The following RBMS1 variants were observed in gnomAD, a reference collection of about 807,000 sequenced individuals.
RBMS1 encodes RNA-binding motif, single-stranded-interacting protein 1.
RBMS1 carries 17 observed loss-of-function variants against 62.3 expected under a neutral mutation model. The ratio of observed to expected loss-of-function variants is 0.27; its 90% confidence interval spans 0.19 to 0.41. The LOEUF is 0.41. RBMS1 is among the 10% of genes least tolerant of loss of function. The pLI, the probability that RBMS1 is intolerant of heterozygous loss-of-function variation, is 1.00. For synonymous variants in RBMS1, 172 were observed against 170.0 expected, an observed-to-expected ratio of 1.01 and a Z score of -0.09; for missense variants, 334 against 504.5, an observed-to-expected ratio of 0.66 and a Z score of 3.24.
chr2:160,467,020 C>T (rs1486518331), intron 1 of RBMS1, among the ~76,000 whole-genome samples: 1 of 152,070 alleles, frequency 6.6e-6, no homozygotes, highest in African/African-American at 2.4e-5. Flanking sequence ...ATTGTCTTCT[C>T]CTTGTCTCTT....
intron 2 of RBMS1, among the ~76,000 whole-genome samples, chr2:160,353,609 A>G (rs958966229): frequency 6.6e-6 from 1 of 152,140 alleles, no homozygotes; most frequent in African/African-American, 2.4e-5. Context: ...TCCTCATGAT[A>G]AAGAGCAGAG....
At chr2:160,353,189 C>A (rs1020100643) in intron 2 of RBMS1, among the ~76,000 whole-genome samples, 7 of 152,018 alleles carry the variant, frequency 4.6e-5, no homozygotes, top group African/African-American at 1.7e-4. Flanking sequence ...TAAATTTGTA[C>A]TTATAAAGCA....
intron 1 of RBMS1, among the ~76,000 whole-genome samples, chr2:160,450,564 G>GAAAAAAAAAAAAA (rs1181640365): frequency 1.6e-4 from 9 of 56,572 alleles, no homozygotes; most frequent in Non-Finnish European, 2.2e-4. Context: ...AATAAAAAAT[G>GAAAAAAAAAAAAA]AAAAAAAAAA....
intron 1 of RBMS1, among the ~76,000 whole-genome samples, chr2:160,376,040 T>C (rs529314973): frequency 7.9e-5 from 12 of 152,174 alleles, no homozygotes; most frequent in Non-Finnish European, 1.8e-4. Context: ...CTCCCAGCTG[T>C]TTTTTAAAGT....
chr2:160,300,822 T>C (rs1032311267), intron 5 of RBMS1, 92 bp from the exon 6 acceptor site: 6 of 1,315,076 alleles, frequency 4.6e-6, no homozygotes, highest in South Asian at 2.0e-5. Flanking sequence ...TATAGGTTTT[T>C]TGGATATAAA....
In RBMS1 at chr2:160,443,428, C is replaced by A. The variant is rs1341789588; in HGVS notation, c.75+49861G>T. The stretch of plus-strand genomic sequence containing the variant: ...GTGATCTCCAATGTTGGCGATGCAG[C>A]CTGATGGGAGGTGTTTGGATCGTGG... On this transcript the variant is annotated intron_variant, in intron 1 of 13. Transcript: ENST00000348849. Among the ~76,000 whole-genome samples the A allele has an allele frequency of 2.6e-5, 4 of 152,254 alleles. No homozygotes were observed. In the East Asian group the frequency reaches 7.7e-4, roughly 29 times the overall value.
intron 1 of RBMS1, among the ~76,000 whole-genome samples, chr2:160,403,381 T>C (rs888216776): frequency 2.0e-5 from 3 of 152,232 alleles, no homozygotes; most frequent in African/African-American, 7.2e-5. Context: ...TGCACAAGTT[T>C]AATCTTCAAA....
chr2:160,474,156 TA>T (rs1026444131), intron 1 of RBMS1, among the ~76,000 whole-genome samples: 1 of 151,838 alleles, frequency 6.6e-6, no homozygotes, highest in Non-Finnish European at 1.5e-5. Context: ...AAAAATATAT[TA>T]AAAAAAAGGT....
chr2:160,454,475 C>A (rs1395133437), intron 1 of RBMS1, among the ~76,000 whole-genome samples: 1 of 152,086 alleles, frequency 6.6e-6, no homozygotes, highest in Non-Finnish European at 1.5e-5. Flanking sequence ...TCCTGGGGTA[C>A]CAGGAAGTGC....
intron 1 of RBMS1, among the ~76,000 whole-genome samples, chr2:160,406,217 T>C (rs1298519085): frequency 2.0e-5 from 3 of 152,172 alleles, no homozygotes; most frequent in East Asian, 3.8e-4. Context: ...AAAGTTAACA[T>C]AGAAAAGAAC....
intron 1 of RBMS1, among the ~76,000 whole-genome samples, chr2:160,448,444 GCA>G (rs1457734497): frequency 6.6e-6 from 1 of 152,218 alleles, no homozygotes; most frequent in Non-Finnish European, 1.5e-5. Context: ...GCAGGCGCGC[GCA>G]GCCACGCCTG....
At chr2:160,388,808 A>G (rs1223103945) in intron 1 of RBMS1, among the ~76,000 whole-genome samples, 2 of 152,228 alleles carry the variant, frequency 1.3e-5, no homozygotes, top group African/African-American at 2.4e-5. Flanking sequence ...TCTAATTGAC[A>G]TGTAGGGAGT....
chr2:160,309,708 T>C (rs1364176872), intron 4 of RBMS1, among the ~76,000 whole-genome samples: 9 of 152,186 alleles, frequency 5.9e-5, no homozygotes, highest in African/African-American at 2.2e-4. Context: ...AACATCAGCA[T>C]GCTGCCTGGC....
At chr2:160,306,296 AT>A (rs559734399) in intron 4 of RBMS1, among the ~76,000 whole-genome samples, 101 of 152,320 alleles carry the variant, frequency 6.6e-4, no homozygotes, top group Middle Eastern at 3.4e-3. Flanking sequence ...TGTTATTAAA[AT>A]ATTATTAAAA....
chr2:160,402,227 A>G (rs1297873739), intron 1 of RBMS1: 1 of 152,258 alleles, frequency 6.6e-6, no homozygotes, highest in Non-Finnish European at 1.5e-5. Flanking sequence ...TGCAAATGGT[A>G]GAGCCACAAC....
intron 3 of RBMS1, among the ~76,000 whole-genome samples, chr2:160,314,772 G>T (rs1574266439): frequency 6.6e-6 from 1 of 152,294 alleles, no homozygotes; most frequent in Non-Finnish European, 1.5e-5. Flanking sequence ...AGAGCAAAAG[G>T]AAGAGGTTGA....
chr2:160,441,093 T>C (rs1312669656), intron 1 of RBMS1, among the ~76,000 whole-genome samples: 1 of 152,244 alleles, frequency 6.6e-6, no homozygotes, highest in Non-Finnish European at 1.5e-5. Flanking sequence ...TTTGCCAGTA[T>C]CTGGATTTCA....
At chr2:160,309,164 T>C (rs1559357681) in intron 4 of RBMS1, among the ~76,000 whole-genome samples, 1 of 152,154 alleles carries the variant, frequency 6.6e-6, no homozygotes, top group East Asian at 1.9e-4. Flanking sequence ...ACTGCTCACT[T>C]CCTATGTCTA....
intron 1 of RBMS1, among the ~76,000 whole-genome samples, chr2:160,402,656 T>A (rs952399338): frequency 1.3e-5 from 2 of 152,192 alleles, no homozygotes; most frequent in African/African-American, 4.8e-5. Flanking sequence ...GTGGGCCACA[T>A]GTCTTTGGGA....
Sources: allele counts gnomAD v4.1 joint callset (sites outside exome capture counted in the v4.1 genomes callset), GRCh38; gene constraint gnomAD v4.1.1; transcripts MANE v1.5; gene names NCBI Gene and HGNC (gene_info 2026-07-23, HGNC 2026-07-21).